Variants in SNTB2 observed in about 807,000 individuals in gnomAD.
The protein encoded by SNTB2 is syntrophin beta 2, also known as beta-2-syntrophin.
In SNTB2, 34 loss-of-function variants were observed where a neutral mutation model predicts 46.2. That is an observed-to-expected ratio of 0.74 (90% confidence interval 0.56 to 0.98). The LOEUF (loss-of-function observed/expected upper bound fraction) is 0.98, where lower values mean the gene tolerates loss of function less well. Among genes scored for constraint, SNTB2 ranks in the 50% least tolerant of loss-of-function variants. The pLI is 0.00. For missense variants in SNTB2, 603 were observed against 731.4 expected, an observed-to-expected ratio of 0.82 and a Z score of 2.02; for synonymous variants, 290 against 312.6, an observed-to-expected ratio of 0.93 and a Z score of 0.76.
At chr16:69,275,480 A>G (rs1293160045) in intron 4 of SNTB2, among the ~76,000 whole-genome samples, 1 of 152,326 alleles carries the variant, frequency 6.6e-6, no homozygotes, top group Non-Finnish European at 1.5e-5. Flanking sequence ...TAGTTTTTCC[A>G]TGTGGCCATG....
At chr16:69,201,068 T>G (rs1197161999) in intron 1 of SNTB2, among the ~76,000 whole-genome samples, 1 of 152,192 alleles carries the variant, frequency 6.6e-6, no homozygotes, top group Non-Finnish European at 1.5e-5. Context: ...CATCACACTT[T>G]CAGGGCCTCC....
intron 1 of SNTB2, among the ~76,000 whole-genome samples, chr16:69,225,791 G>A (rs763265216): frequency 3.1e-4 from 47 of 152,150 alleles, no homozygotes; most frequent in African/African-American, 1.0e-3. Context: ...TTTTGGAGAC[G>A]GAGTCTCACT....
chr16:69,269,617 G>C (rs1487736234), intron 3 of SNTB2, among the ~76,000 whole-genome samples: 3 of 152,048 alleles, frequency 2.0e-5, no homozygotes, highest in African/African-American at 7.2e-5. Flanking sequence ...GTATATATTG[G>C]GTTGCAATGT....
At chr16:69,259,601 TC>T (rs1398971565) in intron 2 of SNTB2, among the ~76,000 whole-genome samples, 2 of 146,354 alleles carry the variant, frequency 1.4e-5, no homozygotes, top group Non-Finnish European at 1.5e-5. Context: ...AGAGAAAGTA[TC>T]TTTTTTTTTT....
At position 69,223,168 on chromosome 16, in the gene SNTB2, C is replaced by T. The variant is rs565569749; in HGVS notation, c.581-22434C>T. Among the ~76,000 whole-genome samples the T allele has an allele frequency of 2.6e-5, 4 of 151,296 alleles. No homozygotes were observed. The South Asian group carries it at 8.4e-4, about 32-fold the overall frequency. ...AGTTTCCCCGAATGTTAACATCTTG[C>T]ATAACCATTATCAAAACTAAGAATT... On this transcript the variant is annotated intron_variant, in intron 1 of 6. Coordinates refer to ENST00000336278, the MANE Select transcript of SNTB2 (RefSeq NM_006750.4).
At chr16:69,189,554 T>G (rs1463591474) in intron 1 of SNTB2, among the ~76,000 whole-genome samples, 2 of 151,692 alleles carry the variant, frequency 1.3e-5, no homozygotes, top group Non-Finnish European at 2.9e-5. Flanking sequence ...CAGGAGAACA[T>G]GACGAAACCT....
chr16:69,271,681 C>A (rs768317583), intron 4 of SNTB2, among the ~76,000 whole-genome samples: 16 of 152,066 alleles, frequency 1.1e-4, no homozygotes, highest in Non-Finnish European at 1.8e-4. Flanking sequence ...AGGAATATGG[C>A]TGTGGAGATC....
chr16:69,187,765 G>A lies in SNTB2; in HGVS notation c.580+19G>A. 1 of 1,203,202 alleles carries A rather than the reference G, an allele frequency of 8.3e-7. No individual in the cohort carries two copies. Among genetic ancestry groups the A allele is most frequent in the South Asian group, 1.6e-5 (1 of 62,454 alleles). The allele number at this position is 1,203,202 out of a possible 1,614,324, so 74.5% of individuals were successfully genotyped here. ...CTGGAGGGTGAGCGGGGCCGGGCGG[G>A]AGGGTGGGCAGGCCGCGGCGGCCTG... is the stretch of plus-strand genomic sequence containing the variant. On this transcript the variant is annotated intron_variant, in intron 1 of 6. Transcript: ENST00000336278.
intron 1 of SNTB2, among the ~76,000 whole-genome samples, chr16:69,241,154 C>A (rs1318503742): frequency 6.9e-6 from 1 of 144,346 alleles, no homozygotes; most frequent in African/African-American, 2.6e-5. Flanking sequence ...GCCACCGTGC[C>A]CGGCCTGGAT....
intron 1 of SNTB2, among the ~76,000 whole-genome samples, chr16:69,204,453 T>C (rs973692435): frequency 1.3e-5 from 2 of 152,332 alleles, no homozygotes; most frequent in East Asian, 1.9e-4. Flanking sequence ...ACAGTAGTTA[T>C]TAAGAAGTCA....
At chr16:69,209,017 G>A (rs1245622746) in intron 1 of SNTB2, among the ~76,000 whole-genome samples, 2 of 146,334 alleles carry the variant, frequency 1.4e-5, no homozygotes, top group African/African-American at 5.5e-5. Context: ...TCACTCTATC[G>A]CCCAGGCTGG....
intron 1 of SNTB2, among the ~76,000 whole-genome samples, chr16:69,222,662 C>T (rs906175520): frequency 1.3e-5 from 2 of 151,540 alleles, no homozygotes; most frequent in Non-Finnish European, 2.9e-5. Flanking sequence ...ATGATTATAG[C>T]TATTAAAATG....
At chr16:69,243,543 C>T (rs924229347) in intron 1 of SNTB2, among the ~76,000 whole-genome samples, 1 of 152,130 alleles carries the variant, frequency 6.6e-6, no homozygotes. Context: ...CTTTTCTAAC[C>T]ACTATATTAT....
At chr16:69,271,239 A>T (rs1964934382) in intron 4 of SNTB2, among the ~76,000 whole-genome samples, 2 of 152,130 alleles carry the variant, frequency 1.3e-5, no homozygotes, top group African/African-American at 4.8e-5. Context: ...TTAGAGCTGG[A>T]GCTCCTAGAT....
chr16:69,290,954 AT>A (rs1230435863), intron 5 of SNTB2, among the ~76,000 whole-genome samples: 1 of 152,214 alleles, frequency 6.6e-6, no homozygotes, highest in Non-Finnish European at 1.5e-5. Flanking sequence ...TATCAGTCTA[AT>A]TTGTTAATAC....
At chr16:69,222,335 G>T (rs1038991629) in intron 1 of SNTB2, among the ~76,000 whole-genome samples, 1 of 152,164 alleles carries the variant, frequency 6.6e-6, no homozygotes, top group African/African-American at 2.4e-5. Context: ...ACTCATGCCT[G>T]GAATTCCATC....
intron 1 of SNTB2, among the ~76,000 whole-genome samples, chr16:69,216,990 G>A (rs969390837): frequency 3.0e-4 from 45 of 152,212 alleles, no homozygotes; most frequent in African/African-American, 1.1e-3. Flanking sequence ...TGCTTCTGGA[G>A]TGGGAAGCCT....
intron 2 of SNTB2, among the ~76,000 whole-genome samples, chr16:69,252,974 A>G (rs1382896451): frequency 7.1e-6 from 1 of 141,694 alleles, no homozygotes; most frequent in Non-Finnish European, 1.5e-5. Flanking sequence ...ATCTTGGCTC[A>G]CTGCAAGCTC....
intron 2 of SNTB2, among the ~76,000 whole-genome samples, chr16:69,257,471 G>C (rs1597189379): frequency 6.6e-6 from 1 of 151,056 alleles, no homozygotes; most frequent in African/African-American, 2.4e-5. Flanking sequence ...TCTTGAGACG[G>C]AGTCTTGCTC....
Sources: gnomAD v4.1 joint callset for allele counts (sites outside exome capture counted in the v4.1 genomes callset) on GRCh38, gnomAD v4.1.1 for gene constraint, MANE v1.5 for transcripts, NCBI Gene and HGNC (gene_info 2026-07-23, HGNC 2026-07-21) for gene names.